Variants in SEMA5A observed in about 807,000 individuals in gnomAD.
SEMA5A encodes the protein semaphorin 5A.
A neutral mutation model predicts 135.5 loss-of-function variants in SEMA5A; 55 were observed. That is an observed-to-expected ratio of 0.41 (90% CI 0.33 to 0.51). The LOEUF is 0.51. SEMA5A is among the 20% of genes least tolerant of loss of function. SEMA5A has a pLI of 0.37. For synonymous variants in SEMA5A, 580 were observed against 546.5 expected (o/e 1.06, Z -0.85); for missense variants, 1,290 against 1,419.9 (o/e 0.91, Z 1.47).
chr5:9,448,246 A>C (rs1758504869), intron 1 of SEMA5A, among the ~76,000 whole-genome samples: 1 of 152,244 alleles, frequency 6.6e-6, no homozygotes, highest in Non-Finnish European at 1.5e-5. Flanking sequence ...GAAAGTTCTA[A>C]GTTCACCAAT....
chr5:9,491,584 T>C (rs1185738862), intron 1 of SEMA5A, among the ~76,000 whole-genome samples: 1 of 152,170 alleles, frequency 6.6e-6, no homozygotes, highest in Non-Finnish European at 1.5e-5. Context: ...GCAATAAATA[T>C]TGGCAAATTT....
In SEMA5A at chr5:9,062,067, C is replaced by T. The variant is rs115430399; in HGVS notation, c.2518+820G>A. Among the ~76,000 whole-genome samples, 1,319 of 152,220 alleles carry T rather than the reference C, an allele frequency of 8.7e-3. 19 individuals carry two copies. Among genetic ancestry groups the T allele is most frequent in the African/African-American group, 0.03 (1,250 of 41,544 alleles). On this transcript the variant is annotated intron_variant, in intron 18 of 22. Coordinates refer to ENST00000382496, the MANE Select transcript of SEMA5A (RefSeq NM_003966.3). Reference sequence around the variant, plus strand: ...ATATTTCAGACCACATTAGAAAGGCCGGCTTTTCCATCAGGCACAACAACT... The same window carrying T: ...ATATTTCAGACCACATTAGAAAGGCTGGCTTTTCCATCAGGCACAACAACT...
At chr5:9,148,594 C>A (rs865954399) in intron 12 of SEMA5A, among the ~76,000 whole-genome samples, 1 of 152,202 alleles carries the variant, frequency 6.6e-6, no homozygotes, top group South Asian at 2.1e-4. Flanking sequence ...AGGCTTTCTG[C>A]CCCTTCATAT....
chr5:9,296,813 G>C (rs1361370901), intron 5 of SEMA5A, among the ~76,000 whole-genome samples: 1 of 150,408 alleles, frequency 6.6e-6, no homozygotes, highest in East Asian at 2.0e-4. Context: ...ATTTGTACAG[G>C]CAGTAGTAAC....
intron 1 of SEMA5A, among the ~76,000 whole-genome samples, chr5:9,448,741 T>C (rs1356807966): frequency 6.6e-6 from 1 of 151,814 alleles, no homozygotes; most frequent in East Asian, 1.9e-4. Context: ...CATCCCTGCC[T>C]GCTGGCTCTC....
intron 4 of SEMA5A, among the ~76,000 whole-genome samples, chr5:9,318,941 G>A (rs986785624): frequency 6.6e-6 from 1 of 152,234 alleles, no homozygotes; most frequent in African/African-American, 2.4e-5. Flanking sequence ...GTTCACACCT[G>A]TAATCCCAGC....
intron 16 of SEMA5A, among the ~76,000 whole-genome samples, chr5:9,075,605 G>A (rs1738010013): frequency 1.3e-5 from 2 of 151,768 alleles, no homozygotes; most frequent in African/African-American, 4.8e-5. Context: ...ATAACATTAG[G>A]GAATATGAAA....
At chr5:9,513,041 T>C (rs1247975897) in intron 1 of SEMA5A, among the ~76,000 whole-genome samples, 1 of 137,876 alleles carries the variant, frequency 7.3e-6, no homozygotes, top group Non-Finnish European at 1.5e-5. Flanking sequence ...CTTATTTTGC[T>C]GAAATGAGAT....
In SEMA5A at chr5:9,288,914, A is replaced by G. The variant is rs187671850; in HGVS notation, c.270+29458T>C. ...AAAGCATTTTTACCTCATCCTTCAA[A>G]CAAAAACAAAAGTATTTTTTCTCCC... On this transcript the variant is annotated intron_variant, in intron 5 of 22. Transcript: ENST00000382496. Among the ~76,000 whole-genome samples, 430 of 152,350 alleles carry G rather than the reference A, an allele frequency of 2.8e-3. 4 individuals carry two copies. In the Middle Eastern group the frequency reaches 0.071, roughly 25 times the overall value.
At chr5:9,174,947 T>A (rs1193929890) in intron 11 of SEMA5A, among the ~76,000 whole-genome samples, 1 of 152,016 alleles carries the variant, frequency 6.6e-6, no homozygotes, top group Non-Finnish European at 1.5e-5. Flanking sequence ...GTCAGAGAGG[T>A]CTCCCTGAGC....
At chr5:9,535,597 G>C (rs1455736679) in intron 1 of SEMA5A, among the ~76,000 whole-genome samples, 1 of 152,118 alleles carries the variant, frequency 6.6e-6, no homozygotes, top group South Asian at 2.1e-4. Flanking sequence ...GGGAGGAGTG[G>C]ATCGGCAGAG....
In SEMA5A at chr5:9,437,337, TTTCTTTTC is replaced by T. The variant is rs563942215; in HGVS notation, c.-78+411_-78+418del. 2.9e-3 allele frequency among the ~76,000 whole-genome samples: 434 copies of T among 152,246 alleles called. 3 individuals are homozygous for T. Among genetic ancestry groups the T allele is most frequent in the African/African-American group, 7.0e-3 (291 of 41,546 alleles). The stretch of plus-strand genomic sequence containing the variant: ...GCTTGCTCATTAACTCTCATTTTTT[TTTCTTTTC>T]TTCTTTTCTTCTTTTCTTCTTTTTT... On this transcript the variant is annotated intron_variant, in intron 2 of 22. Coordinates refer to ENST00000382496, the MANE Select transcript of SEMA5A (RefSeq NM_003966.3).
At chr5:9,419,244 T>C (rs1014134152) in intron 2 of SEMA5A, among the ~76,000 whole-genome samples, 4 of 152,220 alleles carry the variant, frequency 2.6e-5, no homozygotes, top group African/African-American at 9.6e-5. Context: ...CTTGGTATGA[T>C]TTCCAGGTTT....
intron 1 of SEMA5A, among the ~76,000 whole-genome samples, chr5:9,490,905 G>A (rs1404186894): frequency 6.6e-6 from 1 of 152,204 alleles, no homozygotes; most frequent in Non-Finnish European, 1.5e-5. Context: ...CATGTGGCCT[G>A]CCTTTCCACT....
chr5:9,252,201 A>C (rs1371373802), intron 5 of SEMA5A, among the ~76,000 whole-genome samples: 3 of 152,150 alleles, frequency 2.0e-5, no homozygotes, highest in Admixed American at 2.0e-4. Flanking sequence ...GGGGAATGAA[A>C]TGGTTTGGCT....
chr5:9,244,488 T>C (rs918813332), intron 5 of SEMA5A, among the ~76,000 whole-genome samples: 2 of 152,180 alleles, frequency 1.3e-5, no homozygotes, highest in African/African-American at 4.8e-5. Flanking sequence ...GCCTCCTACA[T>C]ACCTTTGTTC....
chr5:9,195,445 T>G (rs1002327422), intron 10 of SEMA5A, among the ~76,000 whole-genome samples: 2 of 152,246 alleles, frequency 1.3e-5, no homozygotes, highest in Admixed American at 6.5e-5. Context: ...GCACTGTGAT[T>G]ATAGGCATGA....
At chr5:9,275,688 T>C (rs1750224318) in intron 5 of SEMA5A, among the ~76,000 whole-genome samples, 1 of 152,044 alleles carries the variant, frequency 6.6e-6, no homozygotes, top group Non-Finnish European at 1.5e-5. Context: ...CATACACAAA[T>C]CAGTCAAGGT....
intron 11 of SEMA5A, among the ~76,000 whole-genome samples, chr5:9,156,336 C>T (rs1431138733): frequency 2.0e-5 from 3 of 152,210 alleles, no homozygotes; most frequent in African/African-American, 7.2e-5. Context: ...TAAACTTACA[C>T]AGCACCAAGG....
Sources: allele counts gnomAD v4.1 joint callset (sites outside exome capture counted in the v4.1 genomes callset), GRCh38; gene constraint gnomAD v4.1.1; transcripts MANE v1.5; gene names NCBI Gene and HGNC (gene_info 2026-07-23, HGNC 2026-07-21).